The following PCSK1 variants were observed in gnomAD, a reference collection of about 807,000 sequenced individuals.
PCSK1 encodes the protein neuroendocrine convertase 1.
Under a neutral mutation model 90.6 loss-of-function variants are expected in PCSK1, and 56 were observed. That is an observed-to-expected ratio of 0.62 (90% confidence interval 0.50 to 0.77). The LOEUF (loss-of-function observed/expected upper bound fraction) is 0.77. Ranked by LOEUF, PCSK1 falls within the 30% of genes least tolerant of loss-of-function variation. PCSK1 has a pLI of 0.00. For missense variants in PCSK1, 801 were observed against 932.6 expected (o/e 0.86, Z 1.84); for synonymous variants, 348 against 342.4 (o/e 1.02, Z -0.18).
chr5:96,406,470 C>G (rs1252980139), intron 9 of PCSK1, among the ~76,000 whole-genome samples: 1 of 152,210 alleles, frequency 6.6e-6, no homozygotes, highest in Non-Finnish European at 1.5e-5. Flanking sequence ...TCTTCCCTTA[C>G]CAAACATCTT....
In PCSK1 at chr5:96,429,292, A is replaced by T; in HGVS notation, c.206T>A (p.Leu69Ter). The change falls in exon 2 of 14, where the codon TTA becomes TAA. Residue 69 changes from leucine to a stop codon, truncating the protein, a stop_gained. Transcript: ENST00000311106. LOFTEE classifies it high-confidence loss of function. ...GQIGSLENHYLFKHKNHPRRS... is the reference protein window; with the variant it reads ...GQIGSLENHY ...TCTGGGGTGGTTTTTATGTTTGAAT[A>T]AGTAGTGATTTTCAAGTGAACCAAT... 6.3e-7 allele frequency: 1 copy of T among 1,590,424 alleles called. No individual in the cohort carries two copies. The highest frequency in any genetic ancestry group is 8.6e-7 in the Non-Finnish European group (1 of 1,158,676).
chr5:96,401,582 A>T (rs528664855), intron 9 of PCSK1, among the ~76,000 whole-genome samples: 2 of 152,326 alleles, frequency 1.3e-5, no homozygotes, highest in African/African-American at 4.8e-5. Flanking sequence ...GGATTGTTGG[A>T]TCTATTATAC....
At chr5:96,404,700 C>G (rs992065417) in intron 9 of PCSK1, among the ~76,000 whole-genome samples, 9 of 152,188 alleles carry the variant, frequency 5.9e-5, no homozygotes, top group Non-Finnish European at 1.2e-4. Context: ...CTGTGGGAGG[C>G]TGCAAGGTGT....
Position 96,390,624 on chromosome 5 carries a change from C to A in PCSK1, c.*2377G>T, listed in dbSNP as rs1220742136. The A allele has an allele frequency of 6.6e-6, 1 of 152,508 alleles. No homozygotes were observed. The highest frequency in any genetic ancestry group is 2.4e-5 in the African/African-American group (1 of 41,414). 9.4% of individuals were successfully genotyped at this position (152,508 alleles called of 1,614,324 possible). ...TGAAACTTTCTTATTCTCAGGAAAA[C>A]TTTTGGTTCTTTAATATAATTTATT... On this transcript the variant is annotated 3_prime_UTR_variant, in exon 14 of 14. Transcript: ENST00000311106.
At chr5:96,418,172 T>A (rs1010537561) in intron 5 of PCSK1, among the ~76,000 whole-genome samples, 12 of 152,234 alleles carry the variant, frequency 7.9e-5, no homozygotes, top group African/African-American at 2.4e-4. Context: ...GTTTTCCTCC[T>A]CTTATCCTCA....
chr5:96,403,974 GAATT>G (rs978162418), intron 9 of PCSK1, among the ~76,000 whole-genome samples: 3 of 152,112 alleles, frequency 2.0e-5, no homozygotes, highest in African/African-American at 7.2e-5. Context: ...GTTCACTTCA[GAATT>G]TTCCTCACCT....
At position 96,413,520 on chromosome 5, in the gene PCSK1, C is replaced by G. The variant is rs138259617; in HGVS notation, c.710-1030G>C. ...AAATTGTTCAAAAATGCATTTAGAG[C>G]CAGGCGCAGTGGCTCATGCCTTTAA... On this transcript the variant is annotated intron_variant, in intron 6 of 13. Transcript: ENST00000311106. Among the ~76,000 whole-genome samples the G allele has an allele frequency of 3.2e-3, 492 of 152,300 alleles. 8 individuals carry two copies. The highest frequency in any genetic ancestry group is 6.4e-3 in the East Asian group (33 of 5,184).
At chr5:96,397,495 A>G in intron 11 of PCSK1, 26 bp from the exon 12 acceptor site, 1 of 1,602,484 alleles carries the variant, frequency 6.2e-7, no homozygotes, top group Non-Finnish European at 8.6e-7. Flanking sequence ...AAGTTAATGA[A>G]TGTCCTAATA....
chr5:96,430,308 C>T (rs1288761866), intron 1 of PCSK1, among the ~76,000 whole-genome samples: 1 of 152,202 alleles, frequency 6.6e-6, no homozygotes, highest in African/African-American at 2.4e-5. Context: ...GGTAACCCTG[C>T]ATTTTTAAAA....
chr5:96,412,752 G>GTTTTGTTTTTTT (rs1760801934), intron 6 of PCSK1, among the ~76,000 whole-genome samples: 1 of 71,832 alleles, frequency 1.4e-5, no homozygotes, highest in African/African-American at 9.0e-5. Flanking sequence ...CAGCTGTGAT[G>GTTTTGTTTTTTT]TTTTTTTTTT....
intron 10 of PCSK1, among the ~76,000 whole-genome samples, chr5:96,399,494 TAAAG>T (rs1760277978): frequency 6.6e-6 from 1 of 152,084 alleles, no homozygotes; most frequent in South Asian, 2.1e-4. Context: ...AAGTGTATGA[TAAAG>T]AATCCCTCAT....
At chr5:96,419,983 G>A (rs1246080494) in intron 5 of PCSK1, among the ~76,000 whole-genome samples, 1 of 151,936 alleles carries the variant, frequency 6.6e-6, no homozygotes, top group African/African-American at 2.4e-5. Flanking sequence ...CCCAGGATCT[G>A]CCTGGAAGGA....
rs567509374 is a variant in PCSK1, at chr5:96,416,282, G to A, written c.621-161C>T. On this transcript the variant is annotated intron_variant, in intron 5 of 13. Transcript: ENST00000311106. ...TAGTATAACATAAAACTTATGTTCA[G>A]ATGAAGGGCACAAGTATTAGAGACA... 3.3e-5 allele frequency among the ~76,000 whole-genome samples: 5 copies of A among 152,310 alleles called. No homozygotes were observed. In the South Asian group the frequency reaches 1.0e-3, roughly 32 times the overall value.
At chr5:96,426,497 T>C (rs570438853) in intron 2 of PCSK1, among the ~76,000 whole-genome samples, 11 of 152,304 alleles carry the variant, frequency 7.2e-5, no homozygotes, top group Admixed American at 6.5e-4. Flanking sequence ...ACACAGATCC[T>C]GGGTGATGAA....
chr5:96,410,752 G>T lies in PCSK1; in HGVS notation c.1095+22C>A, dbSNP rs144457964. 159 of 1,590,454 alleles carry T rather than the reference G, an allele frequency of 1.0e-4. 1 individual carries two copies. In the African/African-American group the frequency reaches 1.9e-3, roughly 19 times the overall value. On this transcript the variant is annotated intron_variant, in intron 8 of 13. Coordinates refer to ENST00000311106, the MANE Select transcript of PCSK1 (RefSeq NM_000439.5). ...CCACGCTCTCCTAACTAAGCAGAGA[G>T]AATTAGACAAAAGCAACATACGATT... is the stretch of plus-strand genomic sequence containing the variant.
At chr5:96,429,557 T>C (rs1314169521) in intron 1 of PCSK1, among the ~76,000 whole-genome samples, 1 of 152,188 alleles carries the variant, frequency 6.6e-6, no homozygotes, top group Non-Finnish European at 1.5e-5. Flanking sequence ...CACCCAGGTA[T>C]TAAGCCCAAT....
chr5:96,418,468 A>T (rs1761003361), intron 5 of PCSK1, among the ~76,000 whole-genome samples: 3 of 152,232 alleles, frequency 2.0e-5, no homozygotes, highest in Admixed American at 2.0e-4. Flanking sequence ...GATTTATGCC[A>T]GCTTAATGGT....
chr5:96,394,991 T>A lies in PCSK1; in HGVS notation c.1757A>T (p.Asn586Ile). 1 of 1,613,994 alleles carries A rather than the reference T, an allele frequency of 6.2e-7. No individual in the cohort carries two copies. Among genetic ancestry groups the A allele is most frequent in the Non-Finnish European group, 8.5e-7 (1 of 1,179,830 alleles). ...GGTCCCGTGCAAAATCAGCTTCCAG[T>A]TCACAATTCTTCCTTCATTTTGAAT... ...GRIQNEGRIV[N>I]WKLILHGTSS... is the part of the protein sequence containing the mutation. The change falls in exon 13 of 14, where the codon AAC becomes ATC. Residue 586 changes from asparagine (N) to isoleucine (I), a missense_variant. Transcript: ENST00000311106.
chr5:96,394,794 T>C, intron 13 of PCSK1, 70 bp downstream of exon 13: 1 of 1,437,938 alleles, frequency 7.0e-7, no homozygotes. Flanking sequence ...GGAAGTTGGG[T>C]ACAGCTTCAC....
Sources: allele counts gnomAD v4.1 joint callset (sites outside exome capture counted in the v4.1 genomes callset), GRCh38; gene constraint gnomAD v4.1.1; transcripts MANE v1.5; gene names NCBI Gene and HGNC (gene_info 2026-07-23, HGNC 2026-07-21).